Variants in PIEZO2 observed in about 807,000 individuals in gnomAD.
The protein encoded by PIEZO2 is piezo type mechanosensitive ion channel component 2, also known as piezo-type mechanosensitive ion channel component 2.
PIEZO2 carries 172 observed loss-of-function variants against 337.3 expected under a neutral mutation model. The ratio of observed to expected loss-of-function variants is 0.51; its 90% confidence interval spans 0.45 to 0.58. The LOEUF is 0.58. PIEZO2 is among the 20% of genes least tolerant of loss of function. The probability of loss-of-function intolerance (pLI) is 0.00; values close to 1 mark genes in which losing one functional copy is unlikely to be tolerated. For synonymous variants in PIEZO2, 1,251 were observed against 1,228.5 expected (o/e 1.02, Z -0.38); for missense variants, 3,028 against 3,391.3 (o/e 0.89, Z 2.66).
chr18:10,810,298 C>A (rs2040149053), intron 7 of PIEZO2, among the ~76,000 whole-genome samples: 1 of 152,186 alleles, frequency 6.6e-6, no homozygotes, highest in Non-Finnish European at 1.5e-5. Context: ...CCAGTAGAGA[C>A]ACATCAGACC....
In PIEZO2 at chr18:11,131,440, A is replaced by G. The variant is rs1456676531; in HGVS notation, c.64+17085T>C. 2.6e-5 allele frequency among the ~76,000 whole-genome samples: 4 copies of G among 152,276 alleles called. No individual in the cohort carries two copies. The highest frequency in any genetic ancestry group is 2.1e-4 in the South Asian group (1 of 4,828). On this transcript the variant is annotated intron_variant, in intron 1 of 55. Transcript: ENST00000674853. The surrounding 1 kb of genome is among the most constrained non-coding windows in gnomAD (Gnocchi z 5.3). The stretch of plus-strand genomic sequence containing the variant: ...TGATCAGGTGACAGAGGCAGAGAAG[A>G]CTAGGGCCTGGTTCACAGATAGTTC...
chr18:10,704,091 G>T (rs920145948), intron 42 of PIEZO2, among the ~76,000 whole-genome samples: 7 of 152,092 alleles, frequency 4.6e-5, no homozygotes, highest in African/African-American at 1.7e-4. Context: ...TCACCAGTTG[G>T]GCAACTCTGG....
chr18:10,782,217 A>C (rs1235199707), intron 17 of PIEZO2, among the ~76,000 whole-genome samples: 1 of 132,968 alleles, frequency 7.5e-6, no homozygotes, highest in Non-Finnish European at 1.5e-5. Flanking sequence ...ATAATTATAT[A>C]TATCATAATA....
At chr18:10,898,891 A>G (rs1304372890) in intron 4 of PIEZO2, among the ~76,000 whole-genome samples, 2 of 152,196 alleles carry the variant, frequency 1.3e-5, no homozygotes, top group African/African-American at 4.8e-5. Flanking sequence ...GATGGGGTTG[A>G]AAGAAAAGGA....
intron 3 of PIEZO2, among the ~76,000 whole-genome samples, chr18:10,941,392 A>G (rs2032718950): frequency 6.6e-6 from 1 of 152,210 alleles, no homozygotes; most frequent in Non-Finnish European, 1.5e-5. Flanking sequence ...AAGACATCTG[A>G]ATAATGAAGT....
At chr18:10,901,372 T>C (rs1036714855) in intron 4 of PIEZO2, among the ~76,000 whole-genome samples, 1 of 152,050 alleles carries the variant, frequency 6.6e-6, no homozygotes, top group Non-Finnish European at 1.5e-5. Flanking sequence ...GTGCATGAGC[T>C]GTAACAGGGT....
At position 10,697,896 on chromosome 18, in the gene PIEZO2, G is replaced by A. The variant is rs2035166573; in HGVS notation, c.6695-16C>T. On this transcript the variant is annotated splice_polypyrimidine_tract_variant and intron_variant, in intron 44 of 55. Coordinates refer to ENST00000674853, the MANE Select transcript of PIEZO2 (RefSeq NM_001378183.1). ...CTTGTGCTGCCTAGAAATAAAAAGA[G>A]ATCATAAGATGGGTGGTGGAGCCTG... The A allele has an allele frequency of 1.3e-6, 2 of 1,597,226 alleles. No individual in the cohort carries two copies. The highest frequency in any genetic ancestry group is 2.7e-5 in the African/African-American group (2 of 74,724).
At chr18:10,704,790 T>C in intron 41 of PIEZO2, 138 bp from the exon 42 acceptor site, 1 of 1,033,762 alleles carries the variant, frequency 9.7e-7, no homozygotes, top group East Asian at 2.7e-5. Context: ...ACTCAAGCCA[T>C]TCTCCTGCTT....
chr18:11,114,537 C>T (rs2039829418), intron 1 of PIEZO2, among the ~76,000 whole-genome samples: 1 of 152,056 alleles, frequency 6.6e-6, no homozygotes, highest in South Asian at 2.1e-4. Context: ...TGGTGGTGTG[C>T]ACCTGTAATC....
At chr18:10,857,379 T>A (rs866165725) in intron 5 of PIEZO2, among the ~76,000 whole-genome samples, 168 bp from the exon 6 acceptor site, 2 of 152,022 alleles carry the variant, frequency 1.3e-5, no homozygotes, top group South Asian at 2.1e-4. Flanking sequence ...AATCCCCGTA[T>A]AAGCCCAAGT....
At chr18:11,095,061 G>T (rs556198597) in intron 1 of PIEZO2, among the ~76,000 whole-genome samples, 1 of 152,328 alleles carries the variant, frequency 6.6e-6, no homozygotes, top group African/African-American at 2.4e-5. Flanking sequence ...ACATCAAAGG[G>T]CTCTCATTCC....
In PIEZO2 at chr18:10,724,702, A is replaced by C; in HGVS notation, c.5030-6443T>G. ...TCTGCTGTCCCTGCGTCATAGGCTG[A>C]AGCACTCAGACCGAGATGGGCCACC... On this transcript the variant is annotated intron_variant, in intron 36 of 55. Transcript: ENST00000674853. The surrounding 1 kb of genome is among the most constrained non-coding windows in gnomAD (Gnocchi z 5.8). The C allele has an allele frequency of 7.9e-7, 1 of 1,268,860 alleles. No homozygotes were observed. Among genetic ancestry groups the C allele is most frequent in the South Asian group, 1.4e-5 (1 of 69,386 alleles). The allele number at this position is 1,268,860 out of a possible 1,614,324, so 78.6% of individuals were successfully genotyped here.
chr18:10,816,281 G>A (rs1170391357), intron 7 of PIEZO2, among the ~76,000 whole-genome samples: 2 of 152,218 alleles, frequency 1.3e-5, no homozygotes, highest in South Asian at 4.1e-4. Context: ...TGCCATTAGT[G>A]TTCTTTTATA....
At chr18:10,800,514 G>C in intron 10 of PIEZO2, 39 bp from the exon 11 acceptor site, 1 of 1,492,406 alleles carries the variant, frequency 6.7e-7, no homozygotes, top group Non-Finnish European at 8.9e-7. Context: ...TGTTACAGCA[G>C]CTCTGGGTTT....
chr18:11,097,336 C>T lies in PIEZO2; in HGVS notation c.65-31114G>A, dbSNP rs945905312. Among the ~76,000 whole-genome samples the T allele has an allele frequency of 6.6e-6, 1 of 152,212 alleles. No individual in the cohort carries two copies. Among genetic ancestry groups the T allele is most frequent in the Admixed American group, 6.5e-5 (1 of 15,288 alleles). ...TCCTTCTTCTAAGTATTTTCTATGGCTGTTTCTGCAGTTCAATGGCAAAGT... is the reference window on the plus strand; with the variant it reads ...TCCTTCTTCTAAGTATTTTCTATGGTTGTTTCTGCAGTTCAATGGCAAAGT... On this transcript the variant is annotated intron_variant, in intron 1 of 55. Coordinates refer to ENST00000674853, the MANE Select transcript of PIEZO2 (RefSeq NM_001378183.1). This position sits in a 1 kb window ranked among gnomAD's most constrained non-coding sequence, Gnocchi z 5.0.
At chr18:10,987,539 C>T (rs35311513) in intron 2 of PIEZO2, among the ~76,000 whole-genome samples, 17,000 of 151,834 alleles carry the variant, frequency 0.11, 1,165 homozygotes, top group Admixed American at 0.16. Context: ...CCTTATCTTA[C>T]ACCATATACA....
chr18:10,916,470 G>A (rs1421798897), intron 3 of PIEZO2, among the ~76,000 whole-genome samples: 2 of 152,148 alleles, frequency 1.3e-5, no homozygotes, highest in South Asian at 2.1e-4. Flanking sequence ...TGAGCATGGC[G>A]CTGGCGGCCC....
chr18:10,746,792 A>G lies in PIEZO2; in HGVS notation c.4424+1679T>C, dbSNP rs527498548. 6.6e-6 allele frequency among the ~76,000 whole-genome samples: 1 copy of G among 152,188 alleles called. No individual in the cohort carries two copies. The highest frequency in any genetic ancestry group is 1.5e-5 in the Non-Finnish European group (1 of 68,034). On this transcript the variant is annotated intron_variant, in intron 30 of 55. Transcript: ENST00000674853. This position sits in a 1 kb window ranked among gnomAD's most constrained non-coding sequence, Gnocchi z 4.2. The stretch of plus-strand genomic sequence containing the variant: ...CTATGAGGAAGTGGGCCCTCGGCCG[A>G]CACTGAATCTGCTCGAACCTTGATG...
At chr18:10,733,691 G>T (rs1471032955) in intron 35 of PIEZO2, among the ~76,000 whole-genome samples, 1 of 152,094 alleles carries the variant, frequency 6.6e-6, no homozygotes, top group Non-Finnish European at 1.5e-5. Context: ...CTCGTGATCT[G>T]CCCGCCTCGG....
Sources: gnomAD v4.1 joint callset for allele counts (sites outside exome capture counted in the v4.1 genomes callset) on GRCh38, gnomAD v4.1.1 for gene constraint, Gnocchi (gnomAD v3.1) non-coding constraint, MANE v1.5 for transcripts, NCBI Gene and HGNC (gene_info 2026-07-23, HGNC 2026-07-21) for gene names.